The following DCHS2 variants were observed in gnomAD, a reference collection of about 807,000 sequenced individuals.
DCHS2 encodes the protein protocadherin-23.
A neutral mutation model predicts 182.4 loss-of-function variants in DCHS2; 142 were observed. That is an observed-to-expected ratio of 0.78 (90% CI 0.68 to 0.89). The LOEUF is 0.89. Among genes scored for constraint, DCHS2 ranks in the 40% least tolerant of loss-of-function variants. DCHS2 has a pLI of 0.00. For synonymous variants in DCHS2, 1,740 were observed against 1,663.3 expected (o/e 1.05, Z -1.12); for missense variants, 4,319 against 4,198.6 (o/e 1.03, Z -0.79).
intron 1 of DCHS2, among the ~76,000 whole-genome samples, chr4:154,459,184 G>T (rs1037642101): frequency 4.6e-5 from 7 of 152,108 alleles, no homozygotes; most frequent in Admixed American, 3.3e-4. Context: ...CATTAGATTT[G>T]TCAGGGGAGT....
intron 2 of DCHS2, among the ~76,000 whole-genome samples, chr4:154,367,361 G>A (rs780494114): frequency 4.7e-4 from 71 of 152,166 alleles, no homozygotes; most frequent in Non-Finnish European, 8.8e-4. Flanking sequence ...GATGGGGCCT[G>A]AAGGAGGACA....
intron 7 of DCHS2, among the ~76,000 whole-genome samples, chr4:154,327,512 A>G (rs1388082): frequency 0.86 from 130,792 of 152,130 alleles, 57,400 homozygotes; most frequent in South Asian, 0.94. Flanking sequence ...TGTGTCAAAC[A>G]TGACAAAGCA....
At chr4:154,379,541 C>T (rs1276181524) in intron 1 of DCHS2, among the ~76,000 whole-genome samples, 2 of 152,160 alleles carry the variant, frequency 1.3e-5, no homozygotes, top group African/African-American at 4.8e-5. Context: ...AATGGCTACC[C>T]AGTGCCACTC....
At position 154,320,580 on chromosome 4, in the gene DCHS2, G is replaced by A; in HGVS notation, c.4819C>T (p.Gln1607Ter). ...TDRRLRSLTAQIVILDVNDHN... is the reference protein window; with the variant it reads ...TDRRLRSLTA ...TCATTTACATCCAAAATCACTATTT[G>A]TGCTGTCAGTGATCTCAGTCGCCGG... Residue 1607 changes from glutamine to a stop codon, truncating the protein, a stop_gained, in exon 9 of 20, where the codon CAA (glutamine) becomes TAA (stop). Coordinates refer to ENST00000357232, the MANE Select transcript of DCHS2 (RefSeq NM_001358235.2). LOFTEE classifies it high-confidence loss of function. The A allele has an allele frequency of 6.2e-7, 1 of 1,614,086 alleles. No homozygotes were observed. Among genetic ancestry groups the A allele is most frequent in the East Asian group, 2.2e-5 (1 of 44,880 alleles).
chr4:154,360,605 A>G (rs2110753721), intron 3 of DCHS2, among the ~76,000 whole-genome samples: 1 of 152,246 alleles, frequency 6.6e-6, no homozygotes, highest in South Asian at 2.1e-4. Context: ...TCAACGTTAA[A>G]TGTAGGAAGG....
intron 1 of DCHS2, among the ~76,000 whole-genome samples, chr4:154,415,441 T>TG (rs939007621): frequency 2.9e-4 from 44 of 152,342 alleles, no homozygotes; most frequent in African/African-American, 1.1e-3. Flanking sequence ...TTCCTGCCTC[T>TG]GGGGGTGCCA....
intron 14 of DCHS2, among the ~76,000 whole-genome samples, chr4:154,266,792 T>G (rs1221937844): frequency 1.3e-5 from 2 of 152,220 alleles, no homozygotes; most frequent in African/African-American, 2.4e-5. Context: ...TCTTTTCATA[T>G]CTGTGTGATT....
chr4:154,350,142 A>G (rs907901401), intron 3 of DCHS2, among the ~76,000 whole-genome samples: 5 of 152,244 alleles, frequency 3.3e-5, no homozygotes, highest in Admixed American at 6.5e-5. Context: ...TGAGGAACTC[A>G]GCTAACAGGA....
intron 1 of DCHS2, among the ~76,000 whole-genome samples, chr4:154,444,169 C>G (rs867757640): frequency 2.0e-5 from 3 of 152,072 alleles, no homozygotes; most frequent in Admixed American, 6.6e-5. Context: ...GTTTTGATAC[C>G]ATCTGCTAGC....
At chr4:154,330,687 A>G (rs1356675363) in intron 5 of DCHS2, among the ~76,000 whole-genome samples, 3 of 152,228 alleles carry the variant, frequency 2.0e-5, no homozygotes, top group Non-Finnish European at 4.4e-5. Context: ...CATTAAAAAA[A>G]AGTGGAAACA....
chr4:154,452,779 ATGT>A (rs1734591743), intron 1 of DCHS2, among the ~76,000 whole-genome samples: 2 of 152,228 alleles, frequency 1.3e-5, no homozygotes, highest in African/African-American at 4.8e-5. Context: ...CAGGAACAAA[ATGT>A]TGTGAGAAAA....
chr4:154,387,200 C>A (rs1275530321), intron 1 of DCHS2, among the ~76,000 whole-genome samples: 3 of 152,148 alleles, frequency 2.0e-5, no homozygotes, highest in Non-Finnish European at 4.4e-5. Context: ...ACCACGAATT[C>A]TACTACTTAA....
chr4:154,306,727 T>G (rs1291111115), intron 10 of DCHS2, among the ~76,000 whole-genome samples: 1 of 152,134 alleles, frequency 6.6e-6, no homozygotes, highest in Admixed American at 6.5e-5. Context: ...TATGATTTTC[T>G]TACACATTAT....
At chr4:154,357,462 C>T in intron 3 of DCHS2, 2 of 614,838 alleles carry the variant, frequency 3.3e-6, no homozygotes, top group Admixed American at 2.7e-5. Flanking sequence ...CTTTCTGAGC[C>T]CAGCTATCAC....
At chr4:154,240,913 T>A in intron 17 of DCHS2, 90 bp from the exon 18 acceptor site, 1 of 1,496,188 alleles carries the variant, frequency 6.7e-7, no homozygotes, top group Non-Finnish European at 8.9e-7. Context: ...ATTTTTATTC[T>A]AAGTCCAATA....
intron 1 of DCHS2, among the ~76,000 whole-genome samples, chr4:154,444,412 G>A (rs1247222525): frequency 6.6e-6 from 1 of 151,908 alleles, no homozygotes; most frequent in Non-Finnish European, 1.5e-5. Context: ...CTATTACTCA[G>A]GCCAAAATTC....
At chr4:154,334,840 C>T in intron 4 of DCHS2, 28 bp downstream of exon 4, 1 of 1,521,194 alleles carries the variant, frequency 6.6e-7, no homozygotes, top group South Asian at 1.1e-5. Context: ...TAATGGAATT[C>T]CATGCAGCAT....
intron 14 of DCHS2, among the ~76,000 whole-genome samples, chr4:154,265,985 G>T (rs1343639994): frequency 2.0e-5 from 3 of 152,148 alleles, no homozygotes; most frequent in Non-Finnish European, 4.4e-5. Context: ...ATTAGGCACA[G>T]TAAGAAATTA....
At chr4:154,327,516 C>T (rs1243187481) in intron 7 of DCHS2, among the ~76,000 whole-genome samples, 1 of 152,072 alleles carries the variant, frequency 6.6e-6, no homozygotes, top group East Asian at 1.9e-4. Context: ...TCAAACATGA[C>T]AAAGCACCAA....
Sources: allele counts gnomAD v4.1 joint callset (sites outside exome capture counted in the v4.1 genomes callset), GRCh38; gene constraint gnomAD v4.1.1; transcripts MANE v1.5; gene names NCBI Gene and HGNC (gene_info 2026-07-23, HGNC 2026-07-21).